The following PCDHGA9 variants were observed in gnomAD, a reference collection of about 807,000 sequenced individuals.
PCDHGA9 encodes the protein protocadherin gamma-A9.
PCDHGA9 carries 37 observed loss-of-function variants against 62.5 expected under a neutral mutation model. The observed-to-expected ratio is 0.59, with a 90% confidence interval of 0.46 to 0.78. The LOEUF (loss-of-function observed/expected upper bound fraction) is 0.78. Among genes scored for constraint, PCDHGA9 ranks in the 30% least tolerant of loss-of-function variants. The pLI is 0.00. For missense variants in PCDHGA9, 1,138 were observed against 1,166.2 expected (o/e 0.98, Z 0.35); for synonymous variants, 459 against 484.6 (o/e 0.95, Z 0.69).
chr5:141,431,867 A>C lies in PCDHGA9; in HGVS notation c.2424+26491A>C. On this transcript the variant is annotated intron_variant, in intron 1 of 3. Transcript: ENST00000573521. The surrounding 1 kb of genome is among the most constrained non-coding windows in gnomAD (Gnocchi z 4.8). ...CAGAGGGACATTAATTGCCCTTTTA[A>C]ATGTAAATGACCAAGATTCTGAGGA... 6.2e-7 allele frequency: 1 copy of C among 1,614,226 alleles called. No individual in the cohort carries two copies. Among genetic ancestry groups the C allele is most frequent in the Non-Finnish European group, 8.5e-7 (1 of 1,180,024 alleles).
chr5:141,485,441 A>T lies in PCDHGA9; in HGVS notation c.2425-9366A>T. On this transcript the variant is annotated intron_variant, in intron 1 of 3. Coordinates refer to ENST00000573521, the MANE Select transcript of PCDHGA9 (RefSeq NM_018921.3). The surrounding 1 kb of genome is among the most constrained non-coding windows in gnomAD (Gnocchi z 5.7). ...CGGAGCCCTGCTCATCAAGAACCCA[A>T]TCGACCGAGAGGCACTGTGTGGGCT... is the stretch of plus-strand genomic sequence containing the variant. The T allele has an allele frequency of 6.2e-7, 1 of 1,613,910 alleles. No homozygotes were observed. The highest frequency in any genetic ancestry group is 1.1e-5 in the South Asian group (1 of 91,062).
intron 1 of PCDHGA9, among the ~76,000 whole-genome samples, chr5:141,450,162 A>T (rs2098671900): frequency 6.6e-6 from 1 of 151,624 alleles, no homozygotes; most frequent in Admixed American, 6.6e-5. Flanking sequence ...ATGTGCCACC[A>T]CACTCCCACC....
rs377138746 is a variant in PCDHGA9 at position 141,432,481 on chromosome 5, C to T, written c.2424+27105C>T. ...CCCTCCCCACGGACGGTTCCACTGG[C>T]GTGGAGCTGGCTCCCCGCTCCGCAG... On this transcript the variant is annotated intron_variant, in intron 1 of 3. Transcript: ENST00000573521. This position sits in a 1 kb window ranked among gnomAD's most constrained non-coding sequence, Gnocchi z 6.0. The T allele has an allele frequency of 1.1e-5, 17 of 1,614,198 alleles. No individual in the cohort carries two copies. The African/African-American group carries it at 1.7e-4, about 16-fold the overall frequency.
rs2734872 is a variant in PCDHGA9 at position 141,474,454 on chromosome 5, C to T, written c.2425-20353C>T. On this transcript the variant is annotated intron_variant, in intron 1 of 3. Transcript: ENST00000573521. ...ACACTTTGAGTAGCAAGTGATTGGG[C>T]TATACTCTTTATTCTAAATTCTAAA... Among the ~76,000 whole-genome samples, 6 of 152,308 alleles carry T rather than the reference C, an allele frequency of 3.9e-5. No individual in the cohort carries two copies. The East Asian group carries it at 1.2e-3, about 29-fold the overall frequency.
chr5:141,430,994 C>T, intron 1 of PCDHGA9: 1 of 1,613,950 alleles, frequency 6.2e-7, no homozygotes, highest in East Asian at 2.2e-5. Context: ...CGCCCTGAAT[C>T]CGCGCAGCGG....
chr5:141,441,126 C>A (rs1319809408), intron 1 of PCDHGA9: 2 of 152,062 alleles, frequency 1.3e-5, no homozygotes, highest in Admixed American at 1.3e-4. Context: ...CAGTTGAGAC[C>A]GAATTTCTAG....
Position 141,404,948 on chromosome 5 carries a change from G to C in PCDHGA9, c.1996G>C (p.Asp666His). The C allele has an allele frequency of 1.2e-6, 2 of 1,613,956 alleles. No homozygotes were observed. The highest frequency in any genetic ancestry group is 1.7e-6 in the Non-Finnish European group (2 of 1,179,888). ...TGTCACGCTCACAGTAGCCATAGCT[G>C]ACAGCATCCCAGACATCCTGGCTGA... ...ATVTLTVAIADSIPDILADLG... is the reference protein window; with the variant it reads ...ATVTLTVAIAHSIPDILADLG... Residue 666 changes from aspartate to histidine, a missense_variant, in exon 1 of 4, where the codon GAC (aspartate) becomes CAC (histidine). Physicochemically the swap from Asp to His is moderately conservative, Grantham distance 81. Coordinates refer to ENST00000573521, the MANE Select transcript of PCDHGA9 (RefSeq NM_018921.3).
intron 1 of PCDHGA9, among the ~76,000 whole-genome samples, chr5:141,464,155 C>T (rs2099076990): frequency 1.3e-5 from 2 of 151,614 alleles, no homozygotes; most frequent in African/African-American, 4.8e-5. Flanking sequence ...GTCCCAGCTA[C>T]TTGGAAGGCT....
chr5:141,489,085 G>A lies in PCDHGA9; in HGVS notation c.2425-5722G>A, dbSNP rs1347512723. The A allele has an allele frequency of 2.6e-5, 6 of 230,066 alleles. No homozygotes were observed. The South Asian group carries it at 4.3e-4, about 16-fold the overall frequency. 14.3% of individuals were successfully genotyped at this position (230,066 alleles called of 1,614,324 possible). A position where few individuals can be genotyped will look rare whatever the true frequency, so the allele number is the denominator to read the frequency against. Reference sequence around the variant, plus strand: ...TCCCCCCTGCCCACCCCCGCCACTCGGTGACTAAGAACTGCTGCAAGCAGG... The same window carrying A: ...TCCCCCCTGCCCACCCCCGCCACTCAGTGACTAAGAACTGCTGCAAGCAGG... On this transcript the variant is annotated intron_variant, in intron 1 of 3. Coordinates refer to ENST00000573521, the MANE Select transcript of PCDHGA9 (RefSeq NM_018921.3). The surrounding 1 kb of genome is among the most constrained non-coding windows in gnomAD (Gnocchi z 4.5).
At chr5:141,466,549 T>C (rs778708029) in intron 1 of PCDHGA9, among the ~76,000 whole-genome samples, 2 of 152,244 alleles carry the variant, frequency 1.3e-5, no homozygotes, top group African/African-American at 2.4e-5. Flanking sequence ...GGTCTTTTGC[T>C]GTGGGCTTCA....
At chr5:141,508,324 G>A (rs1668975090) in intron 3 of PCDHGA9, 1 of 151,252 alleles carries the variant, frequency 6.6e-6, no homozygotes, top group African/African-American at 2.4e-5. Flanking sequence ...GAGGGGCACT[G>A]GAGAACTGAC....
Position 141,432,099 on chromosome 5 carries a change from A to G in PCDHGA9, c.2424+26723A>G. On this transcript the variant is annotated intron_variant, in intron 1 of 3. Transcript: ENST00000573521. This position sits in a 1 kb window ranked among gnomAD's most constrained non-coding sequence, Gnocchi z 6.0. ...TCGCTGAACGTGGCAGACACCAACG[A>G]CAACCCGCCGGTCTTCCCTCAGGCC... 6.2e-7 allele frequency: 1 copy of G among 1,614,102 alleles called. No homozygotes were observed. The highest frequency in any genetic ancestry group is 1.1e-5 in the South Asian group (1 of 91,070).
intron 1 of PCDHGA9, among the ~76,000 whole-genome samples, chr5:141,463,539 C>T (rs1408887405): frequency 6.7e-6 from 1 of 148,606 alleles, no homozygotes; most frequent in Admixed American, 6.8e-5. Context: ...AACTCCGGCT[C>T]CCGGGTTCAT....
rs1410729947 is a variant in PCDHGA9 at position 141,493,256 on chromosome 5, T to TA, written c.2425-1550dup. 3.3e-5 allele frequency among the ~76,000 whole-genome samples: 5 copies of TA among 152,306 alleles called. No homozygotes were observed. The highest frequency in any genetic ancestry group is 1.2e-4 in the African/African-American group (5 of 41,570). ...TGGCTAGGTACTAACATGCCTCTCT[T>TA]ATAACAGCTTCACAGAGGTCAAGTG... On this transcript the variant is annotated intron_variant, in intron 1 of 3. Transcript: ENST00000573521. This position sits in a 1 kb window ranked among gnomAD's most constrained non-coding sequence, Gnocchi z 4.3.
intron 1 of PCDHGA9, among the ~76,000 whole-genome samples, chr5:141,466,776 C>T (rs2099129231): frequency 6.6e-6 from 1 of 152,104 alleles, no homozygotes; most frequent in African/African-American, 2.4e-5. Flanking sequence ...TTATCTTATT[C>T]TTCTTAGTGC....
chr5:141,413,235 C>A, intron 1 of PCDHGA9: 1 of 1,613,954 alleles, frequency 6.2e-7, no homozygotes, highest in Non-Finnish European at 8.5e-7. Context: ...TGGTCCTGCT[C>A]TGCCTTTTCT....
chr5:141,423,517 T>A (rs750915364), intron 1 of PCDHGA9: 1 of 1,613,834 alleles, frequency 6.2e-7, no homozygotes, highest in Admixed American at 1.7e-5. Context: ...CATTGCGGAC[T>A]CGCAGAAGAG....
In PCDHGA9 at chr5:141,432,695, G is replaced by A. The variant is rs1275179569; in HGVS notation, c.2424+27319G>A. ...GCTCAAGCAGAGCCTCGTAGTGGCC[G>A]TCCAGGACCACGGCCAGCCCCCTCT... On this transcript the variant is annotated intron_variant, in intron 1 of 3. Coordinates refer to ENST00000573521, the MANE Select transcript of PCDHGA9 (RefSeq NM_018921.3). This position sits in a 1 kb window ranked among gnomAD's most constrained non-coding sequence, Gnocchi z 6.0. The A allele has an allele frequency of 3.1e-6, 5 of 1,613,822 alleles. No homozygotes were observed. The highest frequency in any genetic ancestry group is 1.7e-5 in the Admixed American group (1 of 60,002).
intron 1 of PCDHGA9, among the ~76,000 whole-genome samples, chr5:141,483,255 G>T (rs1383670642): frequency 1.3e-5 from 2 of 152,030 alleles, no homozygotes; most frequent in African/African-American, 2.4e-5. Context: ...ATATCATGAG[G>T]TTTTTTTGTT....
Sources: gnomAD v4.1 joint callset for allele counts (sites outside exome capture counted in the v4.1 genomes callset) on GRCh38, gnomAD v4.1.1 for gene constraint, Gnocchi (gnomAD v3.1) non-coding constraint, MANE v1.5 for transcripts, NCBI Gene and HGNC (gene_info 2026-07-23, HGNC 2026-07-21) for gene names.